Variants in SLC41A1 observed in about 807,000 individuals in gnomAD.
SLC41A1 encodes solute carrier family 41 member 1.
Under a neutral mutation model 47.3 loss-of-function variants are expected in SLC41A1, and 20 were observed. That is an observed-to-expected ratio of 0.42 (90% CI 0.30 to 0.61). The LOEUF is 0.61. SLC41A1 is among the 20% of genes least tolerant of loss of function. The pLI is 0.17. For synonymous variants in SLC41A1, 282 were observed against 272.7 expected (o/e 1.03, Z -0.34); for missense variants, 504 against 674.1 (o/e 0.75, Z 2.79).
Position 205,801,011 on chromosome 1 carries a change from G to A in SLC41A1, c.422C>T (p.Ala141Val), listed in dbSNP as rs771790073. The change falls in exon 3 of 11, where the codon GCG (alanine) becomes GTG (valine). Residue 141 changes from alanine to valine, a missense_variant. Physicochemically the swap from Ala to Val is moderately conservative, Grantham distance 64. Coordinates refer to ENST00000367137, the MANE Select transcript of SLC41A1 (RefSeq NM_173854.6). Reference protein sequence around the residue: ...KVTEVFILVPALLGLKGNLEM... With the variant: ...KVTEVFILVPVLLGLKGNLEM... Reference sequence around the variant, plus strand: ...CAGGTTCCCTTTGAGCCCCAGCAGCGCAGGCACTAGGATGAAGACCTCTGT... The same window carrying A: ...CAGGTTCCCTTTGAGCCCCAGCAGCACAGGCACTAGGATGAAGACCTCTGT... 3 of 1,614,150 alleles carry A rather than the reference G, an allele frequency of 1.9e-6. No homozygotes were observed. Among genetic ancestry groups the A allele is most frequent in the Non-Finnish European group, 2.5e-6 (3 of 1,180,008 alleles).
intron 2 of SLC41A1, among the ~76,000 whole-genome samples, chr1:205,805,105 C>T (rs1441169445): frequency 2.0e-5 from 3 of 152,052 alleles, no homozygotes; most frequent in Non-Finnish European, 4.4e-5. Context: ...GACAGACAGG[C>T]AAGGAGAGGG....
At chr1:205,796,601 T>C (rs990391457) in intron 8 of SLC41A1, 1 of 376,878 alleles carries the variant, frequency 2.7e-6, no homozygotes, top group South Asian at 2.6e-5. Context: ...GTGAGCTAAA[T>C]AAACTTCTTT....
At chr1:205,792,718 AAATGACTG>A (rs961173326) in intron 10 of SLC41A1, among the ~76,000 whole-genome samples, 2 of 152,240 alleles carry the variant, frequency 1.3e-5, no homozygotes, top group Non-Finnish European at 2.9e-5. Context: ...TGGGCTCCCT[AAATGACTG>A]CATCTGCGTG....
intron 2 of SLC41A1, among the ~76,000 whole-genome samples, chr1:205,807,650 C>T (rs79202825): frequency 0.19 from 18,502 of 98,772 alleles, 2,231 homozygotes; most frequent in African/African-American, 0.36. Context: ...CTCGTAGAGT[C>T]TTTTTTTTTT....
rs937833801 is a variant in SLC41A1, at chr1:205,812,897, CA to C, written c.-737del. The stretch of plus-strand genomic sequence containing the variant: ...GGTGCAGGGCACCCCCTCTTCTCAT[CA>C]CTCCTCCTCGACAGTCCTCCTTGGC... On this transcript the variant is annotated 5_prime_UTR_variant, in exon 1 of 11. Transcript: ENST00000367137. 1.0e-6 allele frequency: 1 copy of C among 985,486 alleles called. No homozygotes were observed. The highest frequency in any genetic ancestry group is 1.2e-6 in the Non-Finnish European group (1 of 829,992). The allele number at this position is 985,486 out of a possible 1,614,324, so 61.0% of individuals were successfully genotyped here.
chr1:205,811,501 A>G (rs1036925486), intron 1 of SLC41A1, among the ~76,000 whole-genome samples: 57 of 152,202 alleles, frequency 3.7e-4, no homozygotes, highest in African/African-American at 1.3e-3. Flanking sequence ...AAATTCAGTC[A>G]CAAACTCCCT....
intron 2 of SLC41A1, among the ~76,000 whole-genome samples, chr1:205,809,527 G>A (rs967287992): frequency 6.6e-6 from 1 of 152,148 alleles, no homozygotes; most frequent in Non-Finnish European, 1.5e-5. Flanking sequence ...CCCCCCAAGG[G>A]GATTATGCCA....
chr1:205,808,581 G>T (rs1656070001), intron 2 of SLC41A1, among the ~76,000 whole-genome samples: 1 of 152,154 alleles, frequency 6.6e-6, no homozygotes, highest in African/African-American at 2.4e-5. Flanking sequence ...TGAGGCCACA[G>T]GAAAGGAATA....
At position 205,791,490 on chromosome 1, in the gene SLC41A1, A is replaced by G; in HGVS notation, c.*43T>C. On this transcript the variant is annotated 3_prime_UTR_variant, in exon 11 of 11. Transcript: ENST00000367137. The surrounding 1 kb of genome is among the most constrained non-coding windows in gnomAD (Gnocchi z 4.0). ...ACAGGGGAACAAAAGAAAAATTTCA[A>G]ATAGAAAGTGCAGAGGGATGGGGAA... 6.2e-7 allele frequency: 1 copy of G among 1,613,462 alleles called. No individual in the cohort carries two copies. Among genetic ancestry groups the G allele is most frequent in the Non-Finnish European group, 8.5e-7 (1 of 1,179,590 alleles).
Position 205,810,397 on chromosome 1 carries a change from C to T in SLC41A1, c.45G>A (p.Gly15=), listed in dbSNP as rs1342241671. 3 of 1,614,108 alleles carry T rather than the reference C, an allele frequency of 1.9e-6. No individual in the cohort carries two copies. The highest frequency in any genetic ancestry group is 1.3e-5 in the African/African-American group (1 of 74,938). The change falls in exon 2 of 11, where the codon GGG becomes GGA. Residue 15 remains glycine (G), a synonymous_variant. Transcript: ENST00000367137. The surrounding 1 kb of genome is among the most constrained non-coding windows in gnomAD (Gnocchi z 5.5). ...PEPKDVHQLN[G]TGPSASPCSS... ...AGCAGGGAGAGGCAGAAGGGCCAGT[C>T]CCGTTCAGTTGGTGGACGTCCTTCG...
In SLC41A1 at chr1:205,789,876, TGA is replaced by T. The variant is rs1208394988; in HGVS notation, c.*1655_*1656del. Reference sequence around the variant, plus strand: ...ATGGAAGGGTTTCTGTAGAAGCTTCTGAGAGAGAAGTTAGAAAAAGCCTACAT... The same window carrying T: ...ATGGAAGGGTTTCTGTAGAAGCTTCTGAGAGAAGTTAGAAAAAGCCTACAT... On this transcript the variant is annotated 3_prime_UTR_variant, in exon 11 of 11. Transcript: ENST00000367137. 1 of 152,184 alleles carries T rather than the reference TGA, an allele frequency of 6.6e-6. No individual in the cohort carries two copies. 9.4% of individuals were successfully genotyped at this position (152,184 alleles called of 1,614,324 possible). A position where few individuals can be genotyped will look rare whatever the true frequency, so the allele number is the denominator to read the frequency against.
At chr1:205,799,161 T>C in intron 4 of SLC41A1, 60 bp from the exon 5 acceptor site, 1 of 1,607,452 alleles carries the variant, frequency 6.2e-7, no homozygotes, top group Non-Finnish European at 8.5e-7. Context: ...TAAGCTGAGG[T>C]CATAAGCATC....
In SLC41A1 at chr1:205,798,162, T is replaced by C. The variant is rs1197765423; in HGVS notation, c.845-111A>G. The C allele has an allele frequency of 2.0e-6, 3 of 1,477,486 alleles. No individual in the cohort carries two copies. The African/African-American group carries it at 4.2e-5, about 21-fold the overall frequency. The allele number at this position is 1,477,486 out of a possible 1,614,324, so 91.5% of individuals were successfully genotyped here. On this transcript the variant is annotated intron_variant, in intron 6 of 10. Transcript: ENST00000367137. ...AGATCAATAGCAAGACTACACTAAA[T>C]GCCAGTAAACACATTATCCCATTTG...
At position 205,797,884 on chromosome 1, in the gene SLC41A1, T is replaced by C; in HGVS notation, c.992+20A>G. The C allele has an allele frequency of 6.2e-7, 1 of 1,613,786 alleles. No homozygotes were observed. Among genetic ancestry groups the C allele is most frequent in the South Asian group, 1.1e-5 (1 of 91,050 alleles). On this transcript the variant is annotated intron_variant, in intron 7 of 10. Coordinates refer to ENST00000367137, the MANE Select transcript of SLC41A1 (RefSeq NM_173854.6). The stretch of plus-strand genomic sequence containing the variant: ...AGGGTTGGAGTGGGGTAGGAGTGGA[T>C]ACTCAGGGCCCCAGCCTACCTGCTG...
chr1:205,797,714 A>T (rs1655781438), intron 7 of SLC41A1, among the ~76,000 whole-genome samples, 190 bp downstream of exon 7: 1 of 152,232 alleles, frequency 6.6e-6, no homozygotes, highest in Admixed American at 6.5e-5. Context: ...TCTCCAGGCC[A>T]ATACATTCTG....
chr1:205,803,183 G>A (rs911957996), intron 2 of SLC41A1, among the ~76,000 whole-genome samples: 1 of 151,912 alleles, frequency 6.6e-6, no homozygotes, highest in African/African-American at 2.4e-5. Flanking sequence ...AAAGAAAAAA[G>A]CATGTGGAGA....
At chr1:205,809,383 G>C (rs1239057435) in intron 2 of SLC41A1, among the ~76,000 whole-genome samples, 1 of 152,188 alleles carries the variant, frequency 6.6e-6, no homozygotes, top group East Asian at 1.9e-4. Flanking sequence ...TGACAGGTGA[G>C]GAGCAAAGAG....
Position 205,812,942 on chromosome 1 carries a change from C to A in SLC41A1, c.-781G>T, listed in dbSNP as rs1466399960. The A allele has an allele frequency of 3.0e-6, 3 of 985,654 alleles. No individual in the cohort carries two copies. Among genetic ancestry groups the A allele is most frequent in the Non-Finnish European group, 3.6e-6 (3 of 830,228 alleles). 61.1% of individuals were successfully genotyped at this position (985,654 alleles called of 1,614,324 possible). ...CCTTGGCCCCCGGCGTGCCCCCCCA[C>A]ACCCCCAGCCAAGGCGAGCGTCCAG... On this transcript the variant is annotated 5_prime_UTR_variant, in exon 1 of 11. Transcript: ENST00000367137.
In SLC41A1 at chr1:205,789,952, T is replaced by A. The variant is rs1310480134; in HGVS notation, c.*1581A>T. Reference sequence around the variant, plus strand: ...TGTGACTGCGGATGGAGGCTCCAGTTTTCTCCCAATTTTGTGCTAGGCAGA... The same window carrying A: ...TGTGACTGCGGATGGAGGCTCCAGTATTCTCCCAATTTTGTGCTAGGCAGA... On this transcript the variant is annotated 3_prime_UTR_variant, in exon 11 of 11. Transcript: ENST00000367137. 1 of 152,210 alleles carries A rather than the reference T, an allele frequency of 6.6e-6. No individual in the cohort carries two copies. The highest frequency in any genetic ancestry group is 6.5e-5 in the Admixed American group (1 of 15,276). 9.4% of individuals were successfully genotyped at this position (152,210 alleles called of 1,614,324 possible).
Sources: allele counts gnomAD v4.1 joint callset (sites outside exome capture counted in the v4.1 genomes callset), GRCh38; gene constraint gnomAD v4.1.1; non-coding constraint Gnocchi (gnomAD v3.1); transcripts MANE v1.5; gene names NCBI Gene and HGNC (gene_info 2026-07-23, HGNC 2026-07-21).